The following NPM1 variants were observed in gnomAD, a reference collection of about 807,000 sequenced individuals.
NPM1 encodes the protein nucleophosmin.
NPM1 carries 1 observed loss-of-function variant against 44.1 expected under a neutral mutation model. The observed-to-expected ratio is 0.02, with a 90% CI of 0.01 to 0.11. The LOEUF is 0.11. NPM1 is among the 10% of genes least tolerant of loss of function. The pLI is 1.00. For missense variants in NPM1, 197 were observed against 347.8 expected, an observed-to-expected ratio of 0.57 and a Z score of 3.45; for synonymous variants, 126 against 111.8, an observed-to-expected ratio of 1.13 and a Z score of -0.80.
At chr5:171,397,937 C>G (rs1479989567) in intron 6 of NPM1, among the ~76,000 whole-genome samples, 1 of 60,578 alleles carries the variant, frequency 1.7e-5, no homozygotes. Flanking sequence ...TTACAGGCAC[C>G]CCCCCCACCA....
chr5:171,387,810 A>G (rs537112557), upstream of NPM1: 47 of 742,886 alleles, frequency 6.3e-5, no homozygotes, highest in South Asian at 7.9e-4. Flanking sequence ...CGCTCGCGAG[A>G]TCTTCAGGGT....
intron 6 of NPM1, among the ~76,000 whole-genome samples, chr5:171,398,418 G>A (rs1283231523): frequency 2.0e-5 from 3 of 152,132 alleles, no homozygotes; most frequent in Non-Finnish European, 4.4e-5. Flanking sequence ...ATTAGCAGTT[G>A]CCCCAACATG....
chr5:171,407,805 T>TC, intron 10 of NPM1, 31 bp downstream of exon 10: 3 of 1,411,994 alleles, frequency 2.1e-6, no homozygotes, highest in Non-Finnish European at 3.0e-6. Flanking sequence ...CATGATTAAA[T>TC]CCAAGTTTTT....
At position 171,391,806 on chromosome 5, in the gene NPM1, TA is replaced by T. The variant is rs1478578593; in HGVS notation, c.352+8del. ...AGTGGACAGCACTTAGTAGGTATGT[TA>T]TTTTTATATATTATACTACTTAGTT... is the stretch of plus-strand genomic sequence containing the variant. On this transcript the variant is annotated splice_region_variant and intron_variant, in intron 4 of 10. Coordinates refer to ENST00000296930, the MANE Select transcript of NPM1 (RefSeq NM_002520.7). 6.6e-7 allele frequency: 1 copy of T among 1,515,048 alleles called. No individual in the cohort carries two copies. The highest frequency in any genetic ancestry group is 1.4e-5 in the African/African-American group (1 of 72,808). The allele number at this position is 1,515,048 out of a possible 1,614,324, so 93.9% of individuals were successfully genotyped here. A position where few individuals can be genotyped will look rare whatever the true frequency, so the allele number is the denominator to read the frequency against.
At chr5:171,399,442 A>G (rs1428836246) in intron 6 of NPM1, among the ~76,000 whole-genome samples, 5 of 152,050 alleles carry the variant, frequency 3.3e-5, no homozygotes, top group African/African-American at 1.2e-4. Context: ...GAGGGTTCTC[A>G]TTATGTTGCC....
chr5:171,404,897 C>T (rs1330438894), intron 8 of NPM1, among the ~76,000 whole-genome samples: 4 of 152,120 alleles, frequency 2.6e-5, no homozygotes, highest in African/African-American at 9.7e-5. Context: ...CTTTTTTGAA[C>T]TGACTTAGTA....
intron 1 of NPM1, among the ~76,000 whole-genome samples, chr5:171,389,594 C>T (rs1770466038): frequency 6.6e-6 from 1 of 152,078 alleles, no homozygotes; most frequent in Non-Finnish European, 1.5e-5. Flanking sequence ...TAGCAAACTT[C>T]GGTTCTTTTA....
chr5:171,395,429 A>G (rs1770830476), intron 6 of NPM1, among the ~76,000 whole-genome samples: 1 of 151,892 alleles, frequency 6.6e-6, no homozygotes. Flanking sequence ...CCTCCAGAGT[A>G]GCTTGGATTA....
Position 171,392,953 on chromosome 5 carries a change from G to C in NPM1, c.499G>C (p.Asp167His), listed in dbSNP as rs1207998618. 2 of 1,609,154 alleles carry C rather than the reference G, an allele frequency of 1.2e-6. No homozygotes were observed. Among genetic ancestry groups the C allele is most frequent in the Admixed American group, 1.7e-5 (1 of 59,972 alleles). Residue 167 changes from aspartate to histidine, a missense_variant, in exon 6 of 11, where the codon GAT (aspartate) becomes CAT (histidine). This residue lies in a region of NPM1 where 91 missense variants were observed against 94.0 expected (regional missense o/e 0.97). Transcript: ENST00000296930. ...KLAADEDDDD[D>H]DEEDDDEDDD... is the part of the protein sequence containing the mutation. ...TGCTGCTGATGAAGATGATGACGAT[G>C]ATGATGAAGAGGATGATGATGAAGA...
At chr5:171,406,648 T>A in intron 9 of NPM1, 1 of 1,311,848 alleles carries the variant, frequency 7.6e-7, no homozygotes, top group Non-Finnish European at 9.7e-7. Context: ...TTCTATTACT[T>A]GTGCATTTGC....
intron 10 of NPM1, among the ~76,000 whole-genome samples, chr5:171,408,331 T>A (rs996335666): frequency 2.6e-5 from 4 of 152,222 alleles, no homozygotes; most frequent in African/African-American, 4.8e-5. Flanking sequence ...CATTTATTTT[T>A]GCTCTTATTT....
At chr5:171,406,668 C>A in intron 9 of NPM1, 2 of 1,285,792 alleles carry the variant, frequency 1.6e-6, no homozygotes, top group Non-Finnish European at 2.0e-6. Flanking sequence ...CCTCACCTGA[C>A]AATGTTTTAA....
chr5:171,391,140 A>G lies in NPM1; in HGVS notation c.139-165A>G, dbSNP rs552364930. 2.2e-4 allele frequency: 170 copies of G among 759,096 alleles called. 1 individual carries two copies. In the African/African-American group the frequency reaches 2.6e-3, roughly 12 times the overall value. The allele number at this position is 759,096 out of a possible 1,614,324, so 47.0% of individuals were successfully genotyped here. On this transcript the variant is annotated intron_variant, in intron 2 of 10. Coordinates refer to ENST00000296930, the MANE Select transcript of NPM1 (RefSeq NM_002520.7). ...AGTAGGCTATACCATCTAGGTTTGTATAAGCACATTCTTATGATTGTACAA... is the reference window on the plus strand; with the variant it reads ...AGTAGGCTATACCATCTAGGTTTGTGTAAGCACATTCTTATGATTGTACAA...
intron 8 of NPM1, among the ~76,000 whole-genome samples, chr5:171,403,828 C>T (rs1441609517): frequency 2.5e-5 from 2 of 79,010 alleles, no homozygotes; most frequent in African/African-American, 4.9e-5. Flanking sequence ...AGGCGCCCCT[C>T]ACCTCCCAGA....
At chr5:171,400,100 G>C (rs376765876) in intron 6 of NPM1, 53 bp from the exon 7 acceptor site, 1 of 998,940 alleles carries the variant, frequency 1.0e-6, no homozygotes, top group African/African-American at 1.6e-5. Context: ...TTCAATTCTT[G>C]TGTCTACTCC....
chr5:171,392,591 T>C, intron 4 of NPM1, 119 bp from the exon 5 acceptor site: 1 of 513,736 alleles, frequency 1.9e-6, no homozygotes, highest in Non-Finnish European at 3.1e-6. Context: ...GTGCTCTTTT[T>C]TTTTTTTTTT....
rs1291438024 is a variant in NPM1 at position 171,403,663 on chromosome 5, C to T, written c.670-1639C>T. Among the ~76,000 whole-genome samples the T allele has an allele frequency of 3.6e-5, 5 of 137,540 alleles. 1 individual carries two copies. The highest frequency in any genetic ancestry group is 1.1e-4 in the African/African-American group (4 of 37,506). The allele number at this position is 137,540 out of a possible 152,430, so 90.2% of individuals were successfully genotyped here. On this transcript the variant is annotated intron_variant, in intron 8 of 10. Coordinates refer to ENST00000296930, the MANE Select transcript of NPM1 (RefSeq NM_002520.7). ...TGACCCCCCCCACCTCCCTCCCGGA[C>T]GGGGCGGCTGGCCAGGCGGGGGGCT... is the stretch of plus-strand genomic sequence containing the variant.
intron 9 of NPM1, chr5:171,406,744 CAA>C: frequency 9.0e-7 from 1 of 1,106,914 alleles, no homozygotes; most frequent in East Asian, 4.4e-5. Flanking sequence ...ATGTATGTGA[CAA>C]TAATTTTGAA....
intron 6 of NPM1, among the ~76,000 whole-genome samples, chr5:171,395,972 T>C (rs1287166193): frequency 2.0e-5 from 3 of 151,800 alleles, no homozygotes; most frequent in Non-Finnish European, 2.9e-5. Flanking sequence ...AATTTTTTTT[T>C]TTTTTTTTGG....
Sources: gnomAD v4.1 joint callset for allele counts (sites outside exome capture counted in the v4.1 genomes callset) on GRCh38, gnomAD v4.1.1 for gene constraint, gnomAD v4.1.1 regional missense constraint, MANE v1.5 for transcripts, NCBI Gene and HGNC (gene_info 2026-07-23, HGNC 2026-07-21) for gene names.